CA10: variants seen among roughly 807,000 people sequenced by gnomAD.
The protein encoded by CA10 is carbonic anhydrase-related protein 10.
A neutral mutation model predicts 44.2 loss-of-function variants in CA10; 14 were observed. The observed-to-expected ratio is 0.32, with a 90% CI of 0.21 to 0.50. CA10 has a LOEUF of 0.50. Among genes scored for constraint, CA10 ranks in the 20% least tolerant of loss-of-function variants. CA10 has a pLI of 0.99. For missense variants in CA10, 350 were observed against 409.7 expected, an observed-to-expected ratio of 0.85 and a Z score of 1.26; for synonymous variants, 159 against 141.6, an observed-to-expected ratio of 1.12 and a Z score of -0.87.
chr17:51,833,133 C>T (rs976752297), intron 3 of CA10, among the ~76,000 whole-genome samples: 6 of 151,280 alleles, frequency 4.0e-5, no homozygotes, highest in Non-Finnish European at 7.4e-5. Context: ...TCTGCTCTTC[C>T]CTTAGTGCCT....
At chr17:51,716,443 G>C (rs1022273831) in intron 4 of CA10, among the ~76,000 whole-genome samples, 24 of 151,624 alleles carry the variant, frequency 1.6e-4, no homozygotes, top group African/African-American at 5.6e-4. Flanking sequence ...CCCCTTTTTT[G>C]GCCTCGAAAA....
At chr17:52,006,844 T>C (rs886608143) in intron 2 of CA10, among the ~76,000 whole-genome samples, 1 of 151,784 alleles carries the variant, frequency 6.6e-6, no homozygotes, top group African/African-American at 2.4e-5. Flanking sequence ...TATTACTAAG[T>C]TGATTAATCT....
chr17:51,983,239 C>A (rs938566342), intron 2 of CA10, among the ~76,000 whole-genome samples: 1 of 151,828 alleles, frequency 6.6e-6, no homozygotes, highest in Non-Finnish European at 1.5e-5. Context: ...ATCAGCAAAC[C>A]TGAACACTTT....
intron 1 of CA10, among the ~76,000 whole-genome samples, chr17:52,084,262 C>CA (rs1449922480): frequency 6.6e-6 from 1 of 152,182 alleles, no homozygotes; most frequent in Non-Finnish European, 1.5e-5. Flanking sequence ...CATGGTGGGA[C>CA]ATAAAGCCAC....
At chr17:51,734,476 A>G (rs1223631563) in intron 4 of CA10, among the ~76,000 whole-genome samples, 1 of 152,186 alleles carries the variant, frequency 6.6e-6, no homozygotes, top group Admixed American at 6.5e-5. Flanking sequence ...AGGATGTACT[A>G]TAATATTACA....
intron 3 of CA10, among the ~76,000 whole-genome samples, chr17:51,849,183 GTATA>G (rs56120539): frequency 3.4e-4 from 26 of 76,544 alleles, no homozygotes; most frequent in African/African-American, 7.7e-4. Flanking sequence ...ATACATATAT[GTATA>G]TATATATATA....
chr17:51,644,944 G>A (rs903945039), intron 6 of CA10, among the ~76,000 whole-genome samples: 12 of 151,694 alleles, frequency 7.9e-5, no homozygotes, highest in African/African-American at 2.7e-4. Flanking sequence ...AATTACAGGC[G>A]CGCGCCACAA....
chr17:51,636,059 G>T (rs1912811830), intron 6 of CA10, 50 bp from the exon 7 acceptor site: 2 of 1,267,982 alleles, frequency 1.6e-6, no homozygotes, highest in Admixed American at 2.1e-5. Context: ...GAAAGGGATG[G>T]TATTGCTGAC....
chr17:51,649,312 C>T, intron 5 of CA10, 58 bp from the exon 6 acceptor site: 1 of 1,200,548 alleles, frequency 8.3e-7, no homozygotes, highest in Non-Finnish European at 1.2e-6. Flanking sequence ...ACAAACATCT[C>T]CCCGTGACAT....
chr17:51,830,080 C>G (rs1450833981), intron 3 of CA10, among the ~76,000 whole-genome samples: 2 of 151,416 alleles, frequency 1.3e-5, no homozygotes, highest in Non-Finnish European at 1.5e-5. Context: ...GCCTGTCATC[C>G]CAGCTACTTG....
In CA10 at chr17:51,899,358, T is replaced by A. The variant is rs558110150; in HGVS notation, c.279+31632A>T. Among the ~76,000 whole-genome samples, 60 of 152,250 alleles carry A rather than the reference T, an allele frequency of 3.9e-4. 1 individual carries two copies. The South Asian group carries it at 0.012, about 31-fold the overall frequency. ...AGGTTGTTTAACTTCCATGTAATTG[T>A]ATGGTTTTATGTAATCTTCTTAGTA... is the stretch of plus-strand genomic sequence containing the variant. On this transcript the variant is annotated intron_variant, in intron 3 of 8. Coordinates refer to ENST00000451037, the MANE Select transcript of CA10 (RefSeq NM_020178.5).
At chr17:52,048,344 G>C (rs376934831) in intron 2 of CA10, among the ~76,000 whole-genome samples, 1 of 151,984 alleles carries the variant, frequency 6.6e-6, no homozygotes, top group Non-Finnish European at 1.5e-5. Context: ...AGCTGAGAGC[G>C]ATTTCTTGCA....
At chr17:52,068,898 TG>T (rs1378938362) in intron 2 of CA10, among the ~76,000 whole-genome samples, 1 of 152,146 alleles carries the variant, frequency 6.6e-6, no homozygotes, top group Non-Finnish European at 1.5e-5. Context: ...ATCAACAGAA[TG>T]GGGTGACAGT....
chr17:51,691,901 T>G (rs1324366974), intron 4 of CA10, among the ~76,000 whole-genome samples: 1 of 152,186 alleles, frequency 6.6e-6, no homozygotes, highest in African/African-American at 2.4e-5. Context: ...TTTCAGATGT[T>G]GCTGAGAAAA....
chr17:51,651,410 C>G (rs576446364), intron 5 of CA10, among the ~76,000 whole-genome samples: 1 of 152,174 alleles, frequency 6.6e-6, no homozygotes, highest in South Asian at 2.1e-4. Flanking sequence ...GGAGGGAAGA[C>G]AGAAATGTTG....
chr17:52,006,496 A>C (rs1263307399), intron 2 of CA10, among the ~76,000 whole-genome samples: 3 of 151,672 alleles, frequency 2.0e-5, no homozygotes, highest in Non-Finnish European at 4.4e-5. Flanking sequence ...TGGAAGATCA[A>C]TTTTCATCAC....
At chr17:51,846,635 G>T (rs1978505644) in intron 3 of CA10, among the ~76,000 whole-genome samples, 1 of 152,192 alleles carries the variant, frequency 6.6e-6, no homozygotes, top group Non-Finnish European at 1.5e-5. Flanking sequence ...TCTCTCCATA[G>T]TCTTTTGAAT....
chr17:52,133,924 G>A (rs367947048), intron 1 of CA10, among the ~76,000 whole-genome samples: 283 of 152,284 alleles, frequency 1.9e-3, no homozygotes, highest in Non-Finnish European at 3.6e-3. Flanking sequence ...CTTTATGACT[G>A]TACAGGGTGC....
At chr17:51,730,193 A>G (rs1384292101) in intron 4 of CA10, among the ~76,000 whole-genome samples, 3 of 152,252 alleles carry the variant, frequency 2.0e-5, no homozygotes, top group African/African-American at 4.8e-5. Context: ...GGCAAGAATT[A>G]TGAATTACTC....
Sources: gnomAD v4.1 joint callset for allele counts (sites outside exome capture counted in the v4.1 genomes callset) on GRCh38, gnomAD v4.1.1 for gene constraint, MANE v1.5 for transcripts, NCBI Gene and HGNC (gene_info 2026-07-23, HGNC 2026-07-21) for gene names.